DIP2C: variants seen among roughly 807,000 people sequenced by gnomAD.
DIP2C encodes the protein disco-interacting protein 2 homolog C.
DIP2C carries 33 observed loss-of-function variants against 192.4 expected under a neutral mutation model. That is an observed-to-expected ratio of 0.17 (90% CI 0.13 to 0.23). The LOEUF is 0.23. Ranked by LOEUF, DIP2C falls within the 10% of genes least tolerant of loss-of-function variation. The pLI is 1.00. For synonymous variants in DIP2C, 979 were observed against 864.1 expected (o/e 1.13, Z -2.33); for missense variants, 1,537 against 2,110.1 (o/e 0.73, Z 5.32).
At chr10:278,052 C>T (rs1305494303) in intron 36 of DIP2C, among the ~76,000 whole-genome samples, 1 of 150,552 alleles carries the variant, frequency 6.6e-6, no homozygotes. Context: ...GCCTACTCCT[C>T]TCTGTCTGTG....
intron 14 of DIP2C, among the ~76,000 whole-genome samples, chr10:386,621 C>A (rs548429331): frequency 6.6e-6 from 1 of 152,324 alleles, no homozygotes; most frequent in Non-Finnish European, 1.5e-5. Flanking sequence ...AAGAAGCCAG[C>A]CGGGCTGCTC....
intron 3 of DIP2C, among the ~76,000 whole-genome samples, chr10:452,345 C>T (rs1193398867): frequency 1.3e-5 from 2 of 152,164 alleles, no homozygotes; most frequent in East Asian, 3.9e-4. Context: ...CTTCTCAGTG[C>T]AGACCCTTAG....
intron 1 of DIP2C, among the ~76,000 whole-genome samples, chr10:552,043 C>T (rs1848618720): frequency 6.6e-6 from 1 of 152,206 alleles, no homozygotes; most frequent in Admixed American, 6.5e-5. Flanking sequence ...GCTACAGCTT[C>T]GGAAGACGTT....
At chr10:392,996 C>T (rs952716429) in intron 10 of DIP2C, among the ~76,000 whole-genome samples, 1 of 152,188 alleles carries the variant, frequency 6.6e-6, no homozygotes, top group African/African-American at 2.4e-5. Context: ...GTGGGCCTCA[C>T]GACCTCTGCC....
At chr10:559,001 G>A (rs1849053114) in intron 1 of DIP2C, among the ~76,000 whole-genome samples, 1 of 151,878 alleles carries the variant, frequency 6.6e-6, no homozygotes, top group African/African-American at 2.4e-5. Flanking sequence ...TTAGGTCGTG[G>A]GGCCAAGGAG....
Position 687,974 on chromosome 10 carries a change from G to A in DIP2C, c.85+1520C>T, listed in dbSNP as rs140027758. Among the ~76,000 whole-genome samples the A allele has an allele frequency of 5.3e-3, 808 of 152,304 alleles. 8 individuals carry two copies. Among genetic ancestry groups the A allele is most frequent in the African/African-American group, 0.018 (758 of 41,566 alleles). On this transcript the variant is annotated intron_variant, in intron 1 of 36. Transcript: ENST00000280886. ...ACAGAAGCCCCTGTCCTGAGACAGC[G>A]AACACGGAGGGTGCTGCAGGCAGGG...
At chr10:434,838 ATTCTT>A (rs1218956069) in intron 4 of DIP2C, among the ~76,000 whole-genome samples, 1 of 152,168 alleles carries the variant, frequency 6.6e-6, no homozygotes, top group African/African-American at 2.4e-5. Flanking sequence ...GTTGAATAGA[ATTCTT>A]ATCTTTGATC....
At chr10:576,519 GCATGTACATACACAAC>G (rs777949893) in intron 1 of DIP2C, among the ~76,000 whole-genome samples, 10 of 152,186 alleles carry the variant, frequency 6.6e-5, no homozygotes, top group Non-Finnish European at 1.3e-4. Context: ...CGCTAAATTA[GCATGTACATACACAAC>G]CACATTCATT....
intron 3 of DIP2C, among the ~76,000 whole-genome samples, chr10:456,278 C>A (rs1180523727): frequency 8.7e-6 from 1 of 115,336 alleles, no homozygotes; most frequent in Non-Finnish European, 1.7e-5. Flanking sequence ...TGCAGTGAGT[C>A]CCTGCCTGAG....
intron 6 of DIP2C, among the ~76,000 whole-genome samples, chr10:416,943 GC>G (rs1338195347): frequency 6.6e-6 from 1 of 152,168 alleles, no homozygotes; most frequent in African/African-American, 2.4e-5. Flanking sequence ...TTCAACATTT[GC>G]GGGGAATAGA....
chr10:476,364 G>A (rs900862731), intron 2 of DIP2C, among the ~76,000 whole-genome samples: 2 of 152,196 alleles, frequency 1.3e-5, no homozygotes, highest in Non-Finnish European at 2.9e-5. Flanking sequence ...TCTGGCTCCT[G>A]TCATTCTGTG....
intron 3 of DIP2C, among the ~76,000 whole-genome samples, chr10:455,092 C>T (rs1203618489): frequency 6.6e-6 from 1 of 152,204 alleles, no homozygotes. Context: ...AGAGAATGTT[C>T]CTCCAAGGTA....
intron 15 of DIP2C, 71 bp from the exon 16 acceptor site, chr10:384,217 A>G (rs1262079159): frequency 6.4e-7 from 1 of 1,555,056 alleles, no homozygotes; most frequent in East Asian, 2.4e-5. Flanking sequence ...AAGAGAGATC[A>G]TTGTGAGTAG....
intron 7 of DIP2C, among the ~76,000 whole-genome samples, chr10:414,980 G>A (rs563151198): frequency 2.0e-4 from 30 of 146,974 alleles, no homozygotes; most frequent in Middle Eastern, 3.5e-3. Context: ...AGGCTCAAGT[G>A]ATCTGCCTAC....
At position 283,386 on chromosome 10, in the gene DIP2C, G is replaced by C. The variant is rs533187925; in HGVS notation, c.4180C>G (p.Leu1394Val). 1 of 1,614,188 alleles carries C rather than the reference G, an allele frequency of 6.2e-7. No homozygotes were observed. The highest frequency in any genetic ancestry group is 1.1e-5 in the South Asian group (1 of 91,078). The change falls in exon 35 of 37, where the codon CTC (leucine) becomes GTC (valine). Residue 1394 changes from leucine (L) to valine (V), a missense_variant. Transcript: ENST00000280886. ...CTTGAGTTGAAGTGATCTGACTGGA[G>C]GGATTCGTCTCCGTAAATAGTGAAA... ...GYFTIYGDES[L>V]QSDHFNSRLS... is the part of the protein sequence containing the mutation.
At chr10:391,806 G>C (rs1418657444) in intron 10 of DIP2C, among the ~76,000 whole-genome samples, 2 of 152,224 alleles carry the variant, frequency 1.3e-5, no homozygotes, top group African/African-American at 4.8e-5. Flanking sequence ...CAGAGGCCTG[G>C]CTGTGGATCT....
At chr10:483,087 G>C (rs919900678) in intron 2 of DIP2C, among the ~76,000 whole-genome samples, 1 of 152,200 alleles carries the variant, frequency 6.6e-6, no homozygotes, top group African/African-American at 2.4e-5. Context: ...GACAGACGCT[G>C]CCCTCCTGAG....
intron 1 of DIP2C, among the ~76,000 whole-genome samples, chr10:674,826 A>AGAGAGAGAGAGAGACC (rs1201758510): frequency 5.9e-4 from 86 of 144,702 alleles, no homozygotes; most frequent in Non-Finnish European, 8.5e-4. Flanking sequence ...AGAGAGAGAG[A>AGAGAGAGAGAGAGACC]GAGACCAACA....
intron 32 of DIP2C, among the ~76,000 whole-genome samples, chr10:303,652 T>C (rs751036340): frequency 6.6e-6 from 1 of 151,990 alleles, no homozygotes; most frequent in Non-Finnish European, 1.5e-5. Context: ...GCCTCCCTAG[T>C]AGCTGGGATT....
Sources: allele counts gnomAD v4.1 joint callset (sites outside exome capture counted in the v4.1 genomes callset), GRCh38; gene constraint gnomAD v4.1.1; transcripts MANE v1.5; gene names NCBI Gene and HGNC (gene_info 2026-07-23, HGNC 2026-07-21).